The following SLC39A10 variants were observed in gnomAD, a reference collection of about 807,000 sequenced individuals.
The protein encoded by SLC39A10 is solute carrier family 39 member 10.
A neutral mutation model predicts 65.1 loss-of-function variants in SLC39A10; 13 were observed. That is an observed-to-expected ratio of 0.20 (90% CI 0.13 to 0.32). SLC39A10 has a LOEUF of 0.32. Ranked by LOEUF, SLC39A10 falls within the 10% of genes least tolerant of loss-of-function variation. SLC39A10 has a pLI of 1.00. For missense variants in SLC39A10, 831 were observed against 1,018.4 expected, an observed-to-expected ratio of 0.82 and a Z score of 2.50; for synonymous variants, 321 against 342.2, an observed-to-expected ratio of 0.94 and a Z score of 0.68.
intron 3 of SLC39A10, among the ~76,000 whole-genome samples, chr2:195,699,895 C>T (rs552424605): frequency 2.0e-5 from 3 of 152,176 alleles, no homozygotes; most frequent in South Asian, 4.1e-4. Flanking sequence ...TATCTCCCGT[C>T]AATTGTGACA....
intron 2 of SLC39A10, among the ~76,000 whole-genome samples, chr2:195,646,799 C>T (rs932227375): frequency 6.6e-6 from 1 of 152,150 alleles, no homozygotes; most frequent in Admixed American, 6.5e-5. Flanking sequence ...TATGGTGAAC[C>T]GTGCCTGTGA....
At chr2:195,661,440 A>G (rs1689394933) in intron 1 of SLC39A10, among the ~76,000 whole-genome samples, 1 of 152,188 alleles carries the variant, frequency 6.6e-6, no homozygotes, top group South Asian at 2.1e-4. Context: ...GGATCTTGCC[A>G]TGTTGTCCAG....
At chr2:195,650,668 G>T (rs1559015477) in intron 2 of SLC39A10, among the ~76,000 whole-genome samples, 1 of 152,068 alleles carries the variant, frequency 6.6e-6, no homozygotes, top group Non-Finnish European at 1.5e-5. Flanking sequence ...GTGAGAAGTT[G>T]CTTAAATTTT....
intron 9 of SLC39A10, among the ~76,000 whole-genome samples, chr2:195,730,350 G>A (rs1326718991): frequency 6.6e-6 from 1 of 151,794 alleles, no homozygotes; most frequent in East Asian, 1.9e-4. Flanking sequence ...TGTTTGTTGT[G>A]AGACAGTCTT....
At chr2:195,642,008 G>A (rs1394384529) in intron 2 of SLC39A10, among the ~76,000 whole-genome samples, 1 of 152,164 alleles carries the variant, frequency 6.6e-6, no homozygotes, top group Non-Finnish European at 1.5e-5. Flanking sequence ...TATAGTTCTA[G>A]TGTGAAGTCA....
At chr2:195,660,656 C>T in intron 1 of SLC39A10, among the ~76,000 whole-genome samples, 1 of 152,134 alleles carries the variant, frequency 6.6e-6, no homozygotes, top group East Asian at 1.9e-4. Context: ...TTTTAGCCCC[C>T]AGTTTTCCAA....
chr2:195,625,368 C>T lies in SLC39A10; in HGVS notation c.-12+19135C>T, dbSNP rs564097617. ...TCGGCTCACCGCAACCTCCGCCTCC[C>T]AAGTTCAAGCGATTCTCCTGCCTCA... On this transcript the variant is annotated intron_variant, in intron 2 of 2. Transcript: ENST00000458054. Among the ~76,000 whole-genome samples, 25 of 151,620 alleles carry T rather than the reference C, an allele frequency of 1.6e-4. No homozygotes were observed. In the East Asian group the frequency reaches 4.7e-3, roughly 29 times the overall value.
chr2:195,665,609 T>A (rs770721934), intron 1 of SLC39A10, among the ~76,000 whole-genome samples: 5 of 152,224 alleles, frequency 3.3e-5, no homozygotes, highest in Non-Finnish European at 7.3e-5. Context: ...TTAGGTTTTT[T>A]TCAAAGTTAT....
chr2:195,690,193 AAAAAAAG>A (rs1410152763), intron 3 of SLC39A10, among the ~76,000 whole-genome samples: 6 of 149,020 alleles, frequency 4.0e-5, no homozygotes, highest in Non-Finnish European at 9.0e-5. Flanking sequence ...AAAAAAAAAA[AAAAAAAG>A]AAAGAAATTC....
At chr2:195,674,021 T>C (rs1689980041) in intron 1 of SLC39A10, among the ~76,000 whole-genome samples, 1 of 152,222 alleles carries the variant, frequency 6.6e-6, no homozygotes, top group Non-Finnish European at 1.5e-5. Context: ...CCATGTTCTC[T>C]TGCTACATGA....
At chr2:195,665,310 CTG>C (rs1689593717) in intron 1 of SLC39A10, among the ~76,000 whole-genome samples, 1 of 152,090 alleles carries the variant, frequency 6.6e-6, no homozygotes, top group Non-Finnish European at 1.5e-5. Context: ...GAGCGAGACT[CTG>C]TCAAAAAAAT....
At chr2:195,664,773 A>T (rs954218158) in intron 1 of SLC39A10, among the ~76,000 whole-genome samples, 7 of 152,180 alleles carry the variant, frequency 4.6e-5, no homozygotes, top group African/African-American at 1.7e-4. Flanking sequence ...TATATGACAA[A>T]ACCTGAAAAG....
At chr2:195,701,497 T>C (rs1358596830) in intron 3 of SLC39A10, among the ~76,000 whole-genome samples, 1 of 146,692 alleles carries the variant, frequency 6.8e-6, no homozygotes, top group Non-Finnish European at 1.5e-5. Flanking sequence ...GTATGCCTTT[T>C]GGTTTTATGA....
At chr2:195,714,902 G>A (rs1341724123) in intron 6 of SLC39A10, among the ~76,000 whole-genome samples, 2 of 151,760 alleles carry the variant, frequency 1.3e-5, no homozygotes, top group Non-Finnish European at 2.9e-5. Flanking sequence ...ACAGGCGCCC[G>A]CCATCACGCC....
intron 2 of SLC39A10, among the ~76,000 whole-genome samples, chr2:195,645,311 A>G (rs1047750758): frequency 1.3e-5 from 2 of 152,122 alleles, no homozygotes; most frequent in Non-Finnish European, 2.9e-5. Flanking sequence ...TAATCTCAAA[A>G]CTGTTCCAGC....
At chr2:195,650,596 T>C (rs1409908953) in intron 2 of SLC39A10, among the ~76,000 whole-genome samples, 1 of 152,164 alleles carries the variant, frequency 6.6e-6, no homozygotes, top group Admixed American at 6.5e-5. Flanking sequence ...CTAAGGGTTC[T>C]GGTTATTCTT....
In SLC39A10 at chr2:195,735,108, T is replaced by C; in HGVS notation, c.*67T>C. ...GCAGCTTTGCATCTGTTCCTTGTAC[T>C]GTATGCACATTGCTCAAAGGAAAGT... is the stretch of plus-strand genomic sequence containing the variant. On this transcript the variant is annotated 3_prime_UTR_variant, in exon 10 of 10. Coordinates refer to ENST00000359634, the MANE Select transcript of SLC39A10 (RefSeq NM_020342.3). 1.4e-6 allele frequency: 2 copies of C among 1,464,910 alleles called. No homozygotes were observed. The highest frequency in any genetic ancestry group is 1.8e-6 in the Non-Finnish European group (2 of 1,096,134). The allele number at this position is 1,464,910 out of a possible 1,614,324, so 90.7% of individuals were successfully genotyped here. A position where few individuals can be genotyped will look rare whatever the true frequency, so the allele number is the denominator to read the frequency against.
intron 1 of SLC39A10, 163 bp downstream of exon 1, chr2:195,657,444 C>T: frequency 1.0e-6 from 1 of 985,984 alleles, no homozygotes; most frequent in Non-Finnish European, 1.2e-6. Flanking sequence ...GTTCCCGCAG[C>T]TGCTGCAGTC....
At chr2:195,676,169 G>T (rs1339324875) in intron 1 of SLC39A10, among the ~76,000 whole-genome samples, 1 of 151,510 alleles carries the variant, frequency 6.6e-6, no homozygotes, top group African/African-American at 2.4e-5. Context: ...TATATGGCTT[G>T]CTATAAGCTT....
Sources: gnomAD v4.1 joint callset for allele counts (sites outside exome capture counted in the v4.1 genomes callset) on GRCh38, gnomAD v4.1.1 for gene constraint, MANE v1.5 for transcripts, NCBI Gene and HGNC (gene_info 2026-07-23, HGNC 2026-07-21) for gene names.